TRIP11: variants seen among roughly 807,000 people sequenced by gnomAD.
TRIP11 encodes the protein thyroid receptor-interacting protein 11.
Under a neutral mutation model 223.1 loss-of-function variants are expected in TRIP11, and 148 were observed. The observed-to-expected ratio is 0.66, with a 90% CI of 0.58 to 0.76. The LOEUF (loss-of-function observed/expected upper bound fraction) is 0.76. Among genes scored for constraint, TRIP11 ranks in the 30% least tolerant of loss-of-function variants. The pLI is 0.00. For missense variants in TRIP11, 2,043 were observed against 2,222.0 expected (o/e 0.92, Z 1.62); for synonymous variants, 762 against 772.6 (o/e 0.99, Z 0.23).
intron 16 of TRIP11, among the ~76,000 whole-genome samples, chr14:91,976,697 A>T (rs1029754825): frequency 2.0e-5 from 3 of 152,230 alleles, no homozygotes; most frequent in Admixed American, 1.3e-4. Context: ...TATGGGGGTA[A>T]GGAAATTGCA....
intron 15 of TRIP11, among the ~76,000 whole-genome samples, 194 bp from the exon 16 acceptor site, chr14:91,988,577 T>C (rs2056633005): frequency 6.7e-6 from 1 of 148,618 alleles, no homozygotes; most frequent in African/African-American, 2.5e-5. Context: ...CTGCCTCATT[T>C]AGAGGAACTA....
Position 92,006,188 on chromosome 14 carries a change from T to C in TRIP11, c.1788A>G (p.Gln596=), listed in dbSNP as rs2140119813. Residue 596 remains glutamine (Q), a synonymous_variant, in exon 11 of 21, where the codon CAA becomes CAG. Transcript: ENST00000267622. Reference sequence around the variant, plus strand: ...CCTTCTGGATGCTTACATTACTTTCTTGTGATTTATTTAGCTGATCTACTA... The same window carrying C: ...CCTTCTGGATGCTTACATTACTTTCCTGTGATTTATTTAGCTGATCTACTA... ...ENLVDQLNKS[Q]ESNVSIQKEN... The C allele has an allele frequency of 6.2e-7, 1 of 1,613,330 alleles. No homozygotes were observed. The highest frequency in any genetic ancestry group is 1.1e-5 in the South Asian group (1 of 90,990).
At chr14:92,022,948 C>T (rs929870428) in intron 3 of TRIP11, among the ~76,000 whole-genome samples, 5 of 151,998 alleles carry the variant, frequency 3.3e-5, no homozygotes, top group South Asian at 4.1e-4. Flanking sequence ...CAATGAGGGC[C>T]GCACATAGAT....
At chr14:91,989,500 G>A (rs1481636954) in intron 15 of TRIP11, among the ~76,000 whole-genome samples, 1 of 149,380 alleles carries the variant, frequency 6.7e-6, no homozygotes, top group African/African-American at 2.5e-5. Flanking sequence ...ATATTGTATC[G>A]ATTTATGGCT....
At position 92,005,307 on chromosome 14, in the gene TRIP11, C is replaced by G. The variant is rs751536689; in HGVS notation, c.2669G>C (p.Ser890Thr). The stretch of plus-strand genomic sequence containing the variant: ...TACCTCAGATGCTAGTTCAGTAACA[C>G]TATCAAGGGTTTTAGGGTCAGCCAC... ...APVADPKTLD[S>T]VTELASEVSQ... is the part of the protein sequence containing the mutation. Residue 890 changes from serine to threonine, a missense_variant, in exon 11 of 21, where the codon AGT becomes ACT. Coordinates refer to ENST00000267622, the MANE Select transcript of TRIP11 (RefSeq NM_004239.4). 6.2e-7 allele frequency: 1 copy of G among 1,614,092 alleles called. No homozygotes were observed. Among genetic ancestry groups the G allele is most frequent in the Non-Finnish European group, 8.5e-7 (1 of 1,179,998 alleles).
chr14:92,026,704 G>A (rs369691135), intron 2 of TRIP11: 27 of 1,014,346 alleles, frequency 2.7e-5, no homozygotes, highest in Admixed American at 1.4e-4. Context: ...GGCTGACAAT[G>A]AAGTAGATGA....
At chr14:92,034,833 T>C (rs2057306532) in intron 1 of TRIP11, among the ~76,000 whole-genome samples, 1 of 152,136 alleles carries the variant, frequency 6.6e-6, no homozygotes, top group Admixed American at 6.6e-5. Context: ...GAGGTTTCAC[T>C]GTGTTGCCCA....
rs2140131557 is a variant in TRIP11, at chr14:92,015,871, TAAA to T, written c.658-13_658-11del. On this transcript the variant is annotated splice_polypyrimidine_tract_variant and intron_variant, in intron 5 of 20. Coordinates refer to ENST00000267622, the MANE Select transcript of TRIP11 (RefSeq NM_004239.4). ...GGTTCTGTTTTAGTTCCTTAAAAAA[TAAA>T]AACAAAGTTATTCACATTTATAATC... The T allele has an allele frequency of 6.2e-7, 1 of 1,601,936 alleles. No homozygotes were observed.
intron 8 of TRIP11, 29 bp downstream of exon 8, chr14:92,011,726 G>A (rs932802640): frequency 2.5e-6 from 4 of 1,591,490 alleles, no homozygotes; most frequent in Non-Finnish European, 3.4e-6. Flanking sequence ...CTGTCTCTAT[G>A]CACATAACAT....
intron 1 of TRIP11, among the ~76,000 whole-genome samples, chr14:92,038,479 G>A (rs1025139817): frequency 3.3e-5 from 5 of 152,060 alleles, no homozygotes; most frequent in African/African-American, 7.3e-5. Flanking sequence ...AACGTAAAGC[G>A]GTAAAATGGA....
rs1566840808 is a variant in TRIP11 at position 91,969,810 on chromosome 14, G to T, written c.5803C>A (p.Pro1935Thr). 6.2e-7 allele frequency: 1 copy of T among 1,614,050 alleles called. No homozygotes were observed. The highest frequency in any genetic ancestry group is 8.5e-7 in the Non-Finnish European group (1 of 1,180,040). Residue 1935 changes from proline to threonine, a missense_variant, in exon 21 of 21, where the codon CCA becomes ACA. Transcript: ENST00000267622. ...PRSAAVPLIN[P>T]AGLGPGGPGH... ...GGCCCACCAGGTCCAAGTCCAGCTGGGTTAATAAGAGGTACAGCTGCCGAG... is the reference window on the plus strand; with the variant it reads ...GGCCCACCAGGTCCAAGTCCAGCTGTGTTAATAAGAGGTACAGCTGCCGAG...
chr14:91,999,244 C>T lies in TRIP11; in HGVS notation c.4888G>A (p.Ala1630Thr). The T allele has an allele frequency of 1.2e-6, 2 of 1,612,846 alleles. No homozygotes were observed. Among genetic ancestry groups the T allele is most frequent in the Non-Finnish European group, 1.7e-6 (2 of 1,179,788 alleles). Residue 1630 changes from alanine to threonine, a missense_variant, in exon 13 of 21, where the codon GCA becomes ACA. By Grantham distance (58) the Ala-to-Thr change is moderately conservative. Coordinates refer to ENST00000267622, the MANE Select transcript of TRIP11 (RefSeq NM_004239.4). ...GCAAAAAAATGAAAAAATTACCTTGCATTTTCCATTGCATTAGAGGATGAA... is the reference window on the plus strand; with the variant it reads ...GCAAAAAAATGAAAAAATTACCTTGTATTTTCCATTGCATTAGAGGATGAA... ...LVSSSNAMENASHQASVQVES... is the reference protein window; with the variant it reads ...LVSSSNAMENTSHQASVQVES...
chr14:92,031,263 C>A (rs995671478), intron 2 of TRIP11, among the ~76,000 whole-genome samples: 1 of 151,944 alleles, frequency 6.6e-6, no homozygotes, highest in African/African-American at 2.4e-5. Flanking sequence ...GGATTACAGG[C>A]GCCCACCACC....
chr14:91,990,672 C>T (rs2056660164), intron 15 of TRIP11, among the ~76,000 whole-genome samples: 1 of 152,088 alleles, frequency 6.6e-6, no homozygotes, highest in African/African-American at 2.4e-5. Flanking sequence ...AAGATTTCAT[C>T]TCTAATTAAA....
chr14:91,976,456 A>G (rs1171611697), intron 16 of TRIP11, among the ~76,000 whole-genome samples: 1 of 152,244 alleles, frequency 6.6e-6, no homozygotes, highest in Non-Finnish European at 1.5e-5. Flanking sequence ...AAAACCAAGA[A>G]ACGTTTTCAT....
At chr14:92,009,492 T>G (rs1398801139) in intron 9 of TRIP11, among the ~76,000 whole-genome samples, 2 of 152,232 alleles carry the variant, frequency 1.3e-5, no homozygotes, top group South Asian at 4.1e-4. Context: ...GCCAGGTAAG[T>G]GCAGAGAGTT....
At chr14:92,017,787 T>C (rs761952822) in intron 4 of TRIP11, 37 bp from the exon 5 acceptor site, 2 of 1,561,634 alleles carry the variant, frequency 1.3e-6, no homozygotes, top group Non-Finnish European at 1.8e-6. Context: ...ATAATTATAC[T>C]GATTTTCTTG....
chr14:91,971,635 GA>G (rs2056401825), intron 20 of TRIP11, among the ~76,000 whole-genome samples: 2 of 151,964 alleles, frequency 1.3e-5, no homozygotes, highest in Admixed American at 1.3e-4. Context: ...GGGAAGAGAG[GA>G]AGGGAAAGAG....
chr14:91,980,650 ACT>A (rs1029720656), intron 16 of TRIP11, among the ~76,000 whole-genome samples: 4 of 151,948 alleles, frequency 2.6e-5, no homozygotes, highest in Admixed American at 2.6e-4. Context: ...CACATATATT[ACT>A]CTGTTTAATG....
Sources: allele counts gnomAD v4.1 joint callset (sites outside exome capture counted in the v4.1 genomes callset), GRCh38; gene constraint gnomAD v4.1.1; transcripts MANE v1.5; gene names NCBI Gene and HGNC (gene_info 2026-07-23, HGNC 2026-07-21).